The following YWHAE variants were observed in gnomAD, a reference collection of about 807,000 sequenced individuals.
The protein encoded by YWHAE is 14-3-3 protein epsilon.
YWHAE carries 4 observed loss-of-function variants against 30.1 expected under a neutral mutation model. The observed-to-expected ratio is 0.13, with a 90% CI of 0.07 to 0.30. The LOEUF (loss-of-function observed/expected upper bound fraction) is 0.30. Among genes scored for constraint, YWHAE ranks in the 10% least tolerant of loss-of-function variants. YWHAE has a pLI of 1.00. For missense variants in YWHAE, 121 were observed against 315.9 expected, an observed-to-expected ratio of 0.38 and a Z score of 4.68; for synonymous variants, 118 against 111.8, an observed-to-expected ratio of 1.06 and a Z score of -0.35.
intron 1 of YWHAE, among the ~76,000 whole-genome samples, chr17:1,391,505 G>A (rs1287120882): frequency 6.6e-6 from 1 of 152,096 alleles, no homozygotes; most frequent in Admixed American, 6.6e-5. Context: ...GTCTTTTCAA[G>A]ATATACTCAT....
chr17:1,378,732 G>C (rs2073161433), intron 1 of YWHAE, among the ~76,000 whole-genome samples: 1 of 152,070 alleles, frequency 6.6e-6, no homozygotes, highest in African/African-American at 2.4e-5. Context: ...ATCACCTGAG[G>C]TTAGGAGTTC....
At chr17:1,395,074 C>T (rs1394969141) in intron 1 of YWHAE, among the ~76,000 whole-genome samples, 2 of 151,842 alleles carry the variant, frequency 1.3e-5, no homozygotes, top group African/African-American at 4.8e-5. Context: ...CAGTATCAGT[C>T]ACCCTTACAG....
chr17:1,385,144 CAA>C (rs56023639), intron 1 of YWHAE, among the ~76,000 whole-genome samples: 7 of 86,814 alleles, frequency 8.1e-5, no homozygotes, highest in African/African-American at 2.1e-4. Flanking sequence ...GACTCTGTCT[CAA>C]AAAAAAAAAA....
In YWHAE at chr17:1,388,102, TTTTTTTTTTTGGTTGG is replaced by T. The variant is rs1193889244; in HGVS notation, c.64+11929_64+11944del. ...CACCACCACGCCTGGGTAATTTTTG[TTTTTTTTTTTGGTTGG>T]TTTTTTTTTTTTTTTTTTTTTTTTA... On this transcript the variant is annotated intron_variant, in intron 1 of 5. Transcript: ENST00000264335. 9.1e-3 allele frequency among the ~76,000 whole-genome samples: 400 copies of T among 44,096 alleles called. 47 individuals carry two copies. Among genetic ancestry groups the T allele is most frequent in the African/African-American group, 0.043 (332 of 7,718 alleles). The allele number at this position is 44,096 out of a possible 152,430, so 28.9% of individuals were successfully genotyped here.
chr17:1,384,520 T>C (rs896489456), intron 1 of YWHAE, among the ~76,000 whole-genome samples: 1 of 114,886 alleles, frequency 8.7e-6, no homozygotes, highest in Non-Finnish European at 1.7e-5. Flanking sequence ...TGAAACCCTG[T>C]CTCTACTAAA....
Position 1,344,789 on chromosome 17 carries a change from A to G in YWHAE, c.*658T>C. 2 of 233,188 alleles carry G rather than the reference A, an allele frequency of 8.6e-6. No individual in the cohort carries two copies. The highest frequency in any genetic ancestry group is 1.7e-5 in the Non-Finnish European group (2 of 117,730). 14.4% of individuals were successfully genotyped at this position (233,188 alleles called of 1,614,324 possible). A position where few individuals can be genotyped will look rare whatever the true frequency, so the allele number is the denominator to read the frequency against. On this transcript the variant is annotated 3_prime_UTR_variant, in exon 6 of 6. Coordinates refer to ENST00000264335, the MANE Select transcript of YWHAE (RefSeq NM_006761.5). ...ATTGAACAGGCATGCAGGCTTTTCC[A>G]TACCACCTTCAACGCTAACCTGCTT... is the stretch of plus-strand genomic sequence containing the variant.
intron 4 of YWHAE, among the ~76,000 whole-genome samples, chr17:1,356,203 C>CAG (rs2072739681): frequency 1.2e-5 from 1 of 86,072 alleles, no homozygotes; most frequent in Non-Finnish European, 2.2e-5. Context: ...CACACACACA[C>CAG]ACACACACAC....
chr17:1,378,676 G>A (rs963635833), intron 1 of YWHAE, among the ~76,000 whole-genome samples: 2 of 152,216 alleles, frequency 1.3e-5, no homozygotes, highest in African/African-American at 2.4e-5. Flanking sequence ...CAGGCACGGC[G>A]GCTCACGCCT....
At chr17:1,370,032 A>T (rs924146456) in intron 1 of YWHAE, among the ~76,000 whole-genome samples, 1 of 151,500 alleles carries the variant, frequency 6.6e-6, no homozygotes, top group Non-Finnish European at 1.5e-5. Context: ...AAGACAATGA[A>T]GTCTGCCATG....
intron 1 of YWHAE, among the ~76,000 whole-genome samples, chr17:1,378,009 A>C (rs2073150086): frequency 6.6e-6 from 1 of 152,228 alleles, no homozygotes; most frequent in Admixed American, 6.5e-5. Flanking sequence ...AGATCGCGTC[A>C]CTGCACTCCA....
intron 1 of YWHAE, among the ~76,000 whole-genome samples, chr17:1,379,980 AGTACCCACATACCACGTGCACT>A (rs1279539320): frequency 3.3e-5 from 5 of 152,198 alleles, no homozygotes; most frequent in African/African-American, 1.2e-4. Context: ...CTATTATTGT[AGTACCCACATACCACGTGCACT>A]TTTATTAGAC....
In YWHAE at chr17:1,400,030, T is replaced by C. The variant is rs369088116; in HGVS notation, c.64+17A>G. 2.8e-4 allele frequency: 264 copies of C among 936,814 alleles called. No homozygotes were observed. The highest frequency in any genetic ancestry group is 2.3e-3 in the African/African-American group (142 of 60,732). The allele number at this position is 936,814 out of a possible 1,614,324, so 58.0% of individuals were successfully genotyped here. On this transcript the variant is annotated intron_variant, in intron 1 of 5. Coordinates refer to ENST00000264335, the MANE Select transcript of YWHAE (RefSeq NM_006761.5). ...AGGGTCCGAGAATTCCAGCCCCCCG[T>C]TGCCCCCCCAACTCACCGTCGTATC...
At chr17:1,345,957 CTG>C (rs1318393579) in intron 5 of YWHAE, among the ~76,000 whole-genome samples, 4 of 152,222 alleles carry the variant, frequency 2.6e-5, no homozygotes, top group Admixed American at 6.5e-5. Context: ...GAGCAATAAA[CTG>C]TTGCCAAGAA....
At chr17:1,370,166 CA>C (rs1462847993) in intron 1 of YWHAE, among the ~76,000 whole-genome samples, 6 of 125,276 alleles carry the variant, frequency 4.8e-5, no homozygotes, top group Admixed American at 2.2e-4. Context: ...CTCGCTCTGT[CA>C]CCAGGCTGGA....
chr17:1,378,803 T>G (rs925531975), intron 1 of YWHAE, among the ~76,000 whole-genome samples: 1 of 152,090 alleles, frequency 6.6e-6, no homozygotes, highest in African/African-American at 2.4e-5. Flanking sequence ...AAAAATTAGT[T>G]GGGCATGGTG....
intron 5 of YWHAE, among the ~76,000 whole-genome samples, chr17:1,351,544 A>G (rs1285841768): frequency 6.6e-6 from 1 of 152,094 alleles, no homozygotes; most frequent in Admixed American, 6.6e-5. Flanking sequence ...CTCCATCAAC[A>G]GGCAGAGAGA....
chr17:1,349,999 C>A (rs920238009), intron 5 of YWHAE, among the ~76,000 whole-genome samples: 6 of 149,406 alleles, frequency 4.0e-5, no homozygotes, highest in African/African-American at 1.5e-4. Context: ...GTTGCCCAGG[C>A]TGGAGTGCAA....
chr17:1,348,079 G>A (rs755084420), intron 5 of YWHAE: 1 of 815,744 alleles, frequency 1.2e-6, no homozygotes. Context: ...TAAACCAACA[G>A]AGCAGGACAA....
chr17:1,387,977 G>T (rs1304912429), intron 1 of YWHAE, among the ~76,000 whole-genome samples: 1 of 146,248 alleles, frequency 6.8e-6, no homozygotes, highest in African/African-American at 2.5e-5. Context: ...TCAGGCTGGA[G>T]CCCAGGGGCA....
Sources: allele counts gnomAD v4.1 joint callset (sites outside exome capture counted in the v4.1 genomes callset), GRCh38; gene constraint gnomAD v4.1.1; transcripts MANE v1.5; gene names NCBI Gene and HGNC (gene_info 2026-07-23, HGNC 2026-07-21).